Variants in GLI2 observed in about 807,000 individuals in gnomAD.
The protein encoded by GLI2 is GLI family zinc finger 2, also known as transcription activator GLI2.
GLI2 carries 22 observed loss-of-function variants against 78.9 expected under a neutral mutation model. The ratio of observed to expected loss-of-function variants is 0.28; its 90% CI spans 0.20 to 0.40. GLI2 has a LOEUF of 0.40. Ranked by LOEUF, GLI2 falls within the 10% of genes least tolerant of loss-of-function variation. The probability of loss-of-function intolerance (pLI) is 1.00; values close to 1 mark genes in which losing one functional copy is unlikely to be tolerated. For synonymous variants in GLI2, 974 were observed against 963.7 expected (o/e 1.01, Z -0.20); for missense variants, 2,097 against 2,213.2 (o/e 0.95, Z 1.05).
At chr2:120,769,475 C>A (rs1185185880) in intron 1 of GLI2, among the ~76,000 whole-genome samples, 2 of 152,216 alleles carry the variant, frequency 1.3e-5, no homozygotes, top group African/African-American at 4.8e-5. Flanking sequence ...GTAGAAGGAC[C>A]CCTCCAGGCC....
At chr2:120,864,815 C>T (rs1026013838) in intron 2 of GLI2, among the ~76,000 whole-genome samples, 1 of 152,168 alleles carries the variant, frequency 6.6e-6, no homozygotes, top group Non-Finnish European at 1.5e-5. Context: ...AAGGGCATTT[C>T]TTCAAACCCC....
intron 1 of GLI2, among the ~76,000 whole-genome samples, chr2:120,793,803 T>C (rs1573384678): frequency 6.6e-6 from 1 of 152,176 alleles, no homozygotes; most frequent in Non-Finnish European, 1.5e-5. Context: ...ATTCACCCTG[T>C]TTCTGGAGCG....
chr2:120,959,438 GA>G (rs1477296379), intron 5 of GLI2, among the ~76,000 whole-genome samples: 1 of 152,182 alleles, frequency 6.6e-6, no homozygotes, highest in African/African-American at 2.4e-5. Context: ...TACAATCCAA[GA>G]AAATCAGAGT....
rs948127683 is a variant in GLI2, at chr2:120,950,639, A to T, written c.255-604A>T. The stretch of plus-strand genomic sequence containing the variant: ...AATTCCATGGAAGGAGAACGAGGAG[A>T]TATTCCAAGATTTTAGTTAGGGCTC... On this transcript the variant is annotated intron_variant, in intron 3 of 13. Transcript: ENST00000361492. Among the ~76,000 whole-genome samples the T allele has an allele frequency of 3.9e-5, 6 of 152,098 alleles. 1 individual carries two copies. Among genetic ancestry groups the T allele is most frequent in the Admixed American group, 6.5e-5 (1 of 15,274 alleles).
At chr2:120,813,226 C>A (rs1685341495) in intron 2 of GLI2, among the ~76,000 whole-genome samples, 1 of 152,226 alleles carries the variant, frequency 6.6e-6, no homozygotes, top group Non-Finnish European at 1.5e-5. Flanking sequence ...GACTTAAAAA[C>A]CACACCAAAA....
chr2:120,956,871 C>T (rs1337219376), intron 5 of GLI2, among the ~76,000 whole-genome samples: 1 of 152,122 alleles, frequency 6.6e-6, no homozygotes, highest in Non-Finnish European at 1.5e-5. Context: ...CCCCGACCCG[C>T]CCCCAGGGCT....
At chr2:120,889,802 T>A (rs1677592839) in intron 2 of GLI2, among the ~76,000 whole-genome samples, 1 of 152,130 alleles carries the variant, frequency 6.6e-6, no homozygotes, top group Non-Finnish European at 1.5e-5. Flanking sequence ...TCAGAATGGT[T>A]AAAAGAAAAA....
At chr2:120,881,637 GCAAGGAGGGCAGTTTGGGGGAGGACAGT>G (rs1677136911) in intron 2 of GLI2, among the ~76,000 whole-genome samples, 1 of 88,286 alleles carries the variant, frequency 1.1e-5, no homozygotes, top group African/African-American at 4.7e-5. Context: ...GGAGGACAGT[GCAAGGAGGGCAGTTTGGGGGAGGACAGT>G]GTGGGGACGG....
At chr2:120,803,835 T>C (rs34465243) in intron 2 of GLI2, among the ~76,000 whole-genome samples, 74,770 of 152,120 alleles carry the variant, frequency 0.49, 21,438 homozygotes, top group South Asian at 0.7. Context: ...TCACAGGTCA[T>C]TGGGCGCAGT....
chr2:120,968,999 CT>C, intron 6 of GLI2, 84 bp downstream of exon 6: 1 of 995,844 alleles, frequency 1.0e-6, no homozygotes, highest in South Asian at 1.3e-5. Context: ...TCAGTGGGCG[CT>C]TTTGACCCGA....
chr2:120,954,444 G>A (rs1264273533), intron 4 of GLI2, among the ~76,000 whole-genome samples: 2 of 152,252 alleles, frequency 1.3e-5, no homozygotes, highest in South Asian at 2.1e-4. Context: ...AGCTTCCATG[G>A]CCTGGTCTCC....
rs765303417 is a variant in GLI2 at position 120,988,245 on chromosome 2, C to T, written c.2280C>T (p.Gly760=). Reference sequence around the variant, plus strand: ...AAAACTTCAGTGGCAGTGGGGGCGGCGGGCCCGCGGGGCTGCTGCCGAACC... The same window carrying T: ...AAAACTTCAGTGGCAGTGGGGGCGGTGGGCCCGCGGGGCTGCTGCCGAACC... ...ILENFSGSGG[G]GPAGLLPNPR... is the part of the protein sequence containing the mutation. The change falls in exon 14 of 14, where the codon GGC becomes GGT. Residue 760 remains glycine, a synonymous_variant. Coordinates refer to ENST00000361492, the MANE Select transcript of GLI2 (RefSeq NM_001374353.1). 2 of 1,575,892 alleles carry T rather than the reference C, an allele frequency of 1.3e-6. No individual in the cohort carries two copies. Among genetic ancestry groups the T allele is most frequent in the South Asian group, 1.2e-5 (1 of 86,834 alleles).
intron 2 of GLI2, among the ~76,000 whole-genome samples, chr2:120,869,213 T>G (rs936571291): frequency 9.2e-5 from 14 of 152,096 alleles, no homozygotes; most frequent in Admixed American, 8.5e-4. Context: ...GGGGCACACT[T>G]CCCTAGCCAG....
chr2:120,928,535 A>G (rs1369965082), intron 3 of GLI2, among the ~76,000 whole-genome samples: 1 of 152,132 alleles, frequency 6.6e-6, no homozygotes, highest in Non-Finnish European at 1.5e-5. Context: ...ATAGGTGTAC[A>G]ACCAGTGCTC....
chr2:120,849,975 G>A (rs898255112), intron 2 of GLI2, among the ~76,000 whole-genome samples: 3 of 152,146 alleles, frequency 2.0e-5, no homozygotes, highest in Non-Finnish European at 4.4e-5. Context: ...TTCATTAAAG[G>A]GATACATGAC....
At chr2:120,809,109 T>C (rs1461887999) in intron 2 of GLI2, among the ~76,000 whole-genome samples, 5 of 152,174 alleles carry the variant, frequency 3.3e-5, no homozygotes, top group Non-Finnish European at 4.4e-5. Flanking sequence ...AAAATGGAAA[T>C]GACCCAAGCA....
chr2:120,902,840 C>T (rs538470104), intron 2 of GLI2, among the ~76,000 whole-genome samples: 1 of 152,314 alleles, frequency 6.6e-6, no homozygotes, highest in South Asian at 2.1e-4. Flanking sequence ...CAAGCCTGGG[C>T]TTCTTTAGGC....
At chr2:120,937,456 G>T (rs1355207910) in intron 3 of GLI2, among the ~76,000 whole-genome samples, 3 of 152,152 alleles carry the variant, frequency 2.0e-5, no homozygotes, top group Non-Finnish European at 4.4e-5. Context: ...TGGGGAGAGG[G>T]CAGAAATTGG....
At chr2:120,757,010 T>G (rs1438864268) in intron 1 of GLI2, among the ~76,000 whole-genome samples, 1 of 152,198 alleles carries the variant, frequency 6.6e-6, no homozygotes, top group Non-Finnish European at 1.5e-5. Context: ...TCTTTTTTCT[T>G]CAATGTCTAA....
Sources: allele counts gnomAD v4.1 joint callset (sites outside exome capture counted in the v4.1 genomes callset), GRCh38; gene constraint gnomAD v4.1.1; transcripts MANE v1.5; gene names NCBI Gene and HGNC (gene_info 2026-07-23, HGNC 2026-07-21).